DPP6: variants seen among roughly 807,000 people sequenced by gnomAD.
The protein encoded by DPP6 is A-type potassium channel modulatory protein DPP6.
In DPP6, 69 loss-of-function variants were observed where a neutral mutation model predicts 122.6. The observed-to-expected ratio is 0.56, with a 90% CI of 0.46 to 0.69. DPP6 has a LOEUF of 0.69. Among genes scored for constraint, DPP6 ranks in the 30% least tolerant of loss-of-function variants. The pLI is 0.00. For synonymous variants in DPP6, 418 were observed against 433.1 expected, an observed-to-expected ratio of 0.97 and a Z score of 0.43; for missense variants, 928 against 1,116.9, an observed-to-expected ratio of 0.83 and a Z score of 2.41.
At chr7:154,164,309 A>C (rs1226944218) in intron 1 of DPP6, among the ~76,000 whole-genome samples, 2 of 145,672 alleles carry the variant, frequency 1.4e-5, no homozygotes, top group East Asian at 4.3e-4. Context: ...TAAGACATTG[A>C]ACATTCTGTC....
chr7:154,305,347 C>T (rs1806233362), intron 1 of DPP6: 3 of 1,000,298 alleles, frequency 3.0e-6, no homozygotes, highest in Non-Finnish European at 3.6e-6. Flanking sequence ...CCCACCCTCC[C>T]TCCCCCATCC....
intron 3 of DPP6, among the ~76,000 whole-genome samples, chr7:154,533,436 G>A (rs983387704): frequency 5.5e-4 from 84 of 152,178 alleles, no homozygotes; most frequent in Non-Finnish European, 9.0e-4. Flanking sequence ...ACTTGCATCT[G>A]TAATTTAAAG....
intron 1 of DPP6, among the ~76,000 whole-genome samples, chr7:153,942,695 T>C (rs1407108363): frequency 6.6e-6 from 1 of 152,200 alleles, no homozygotes; most frequent in East Asian, 1.9e-4. Context: ...GGGCTGTGTC[T>C]TGTGCAGTGG....
intron 1 of DPP6, among the ~76,000 whole-genome samples, chr7:153,923,760 C>CAAAAAAAA (rs1158548494): frequency 3.4e-4 from 16 of 46,774 alleles, no homozygotes; most frequent in African/African-American, 1.1e-3. Context: ...GACTCCATCT[C>CAAAAAAAA]AAAAAAAAAA....
chr7:154,508,536 A>C (rs1662814339), intron 3 of DPP6, among the ~76,000 whole-genome samples: 1 of 152,128 alleles, frequency 6.6e-6, no homozygotes, highest in Admixed American at 6.6e-5. Flanking sequence ...ATTTCCCATT[A>C]ATTCACAGTC....
intron 1 of DPP6, among the ~76,000 whole-genome samples, chr7:154,061,923 A>C (rs1802006083): frequency 8.4e-6 from 1 of 118,910 alleles, no homozygotes; most frequent in Non-Finnish European, 1.7e-5. Flanking sequence ...GGCTCTGAGG[A>C]CCCCCATCGC....
chr7:153,804,508 C>T, the DPP6 span, among the ~76,000 whole-genome samples: 1 of 152,148 alleles, frequency 6.6e-6, no homozygotes, highest in Non-Finnish European at 1.5e-5. Context: ...GTTGCCATTG[C>T]TTGTAGATAT....
chr7:154,251,033 A>G (rs1349987042), intron 1 of DPP6, among the ~76,000 whole-genome samples: 1 of 152,244 alleles, frequency 6.6e-6, no homozygotes. Flanking sequence ...CAGTTTCTCC[A>G]TTTGTGGATG....
chr7:154,159,944 AC>A (rs975635267), intron 1 of DPP6, among the ~76,000 whole-genome samples: 1 of 151,984 alleles, frequency 6.6e-6, no homozygotes, highest in African/African-American at 2.4e-5. Flanking sequence ...TCTCGTCTCT[AC>A]CAAAAATCAG....
chr7:154,690,736 T>C (rs1242473641), intron 7 of DPP6, among the ~76,000 whole-genome samples: 1 of 152,184 alleles, frequency 6.6e-6, no homozygotes, highest in African/African-American at 2.4e-5. Context: ...GGCTGCCTTA[T>C]TCTCATGTTA....
intron 1 of DPP6, among the ~76,000 whole-genome samples, chr7:153,933,789 T>TC (rs1347744548): frequency 6.6e-6 from 1 of 152,038 alleles, no homozygotes; most frequent in Non-Finnish European, 1.5e-5. Flanking sequence ...CAGATTTCTC[T>TC]CCCTAGCCAT....
chr7:154,448,783 T>A (rs185534115), intron 2 of DPP6, among the ~76,000 whole-genome samples: 60 of 152,324 alleles, frequency 3.9e-4, no homozygotes, highest in African/African-American at 1.4e-3. Context: ...TAGTCAATTA[T>A]TTTTTGACAA....
At position 154,483,989 on chromosome 7, in the gene DPP6, G is replaced by A. The variant is rs770567934; in HGVS notation, c.457+8952G>A. Among the ~76,000 whole-genome samples, 19 of 152,092 alleles carry A rather than the reference G, an allele frequency of 1.2e-4. No individual in the cohort carries two copies. The highest frequency in any genetic ancestry group is 6.2e-4 in the South Asian group (3 of 4,824). On this transcript the variant is annotated intron_variant, in intron 3 of 25. Coordinates refer to ENST00000377770, the MANE Select transcript of DPP6 (RefSeq NM_130797.4). This position sits in a 1 kb window ranked among gnomAD's most constrained non-coding sequence, Gnocchi z 8.1. ...ATTACAGATGTGAGCCACCACGCCC[G>A]GCCCAGGTTAAATTTTATTTATGTT...
intron 1 of DPP6, among the ~76,000 whole-genome samples, chr7:154,349,812 GA>G (rs566519296): frequency 2.0e-5 from 3 of 151,652 alleles, no homozygotes; most frequent in Non-Finnish European, 4.4e-5. Context: ...CCCAAGTGCT[GA>G]AAAAAAACAT....
chr7:154,086,071 G>A (rs1303412141), intron 1 of DPP6, among the ~76,000 whole-genome samples: 1 of 152,034 alleles, frequency 6.6e-6, no homozygotes, highest in African/African-American at 2.4e-5. Context: ...TTTGATGAAG[G>A]TGTTAAGAAA....
intron 1 of DPP6, among the ~76,000 whole-genome samples, chr7:154,221,107 C>T (rs1233379263): frequency 6.6e-6 from 1 of 152,102 alleles, no homozygotes; most frequent in Admixed American, 6.6e-5. Context: ...CACTAAAGGC[C>T]TCTTAACAAA....
Position 154,613,619 on chromosome 7 carries a change from C to CAAAAAA in DPP6, c.628-24173_628-24168dup, listed in dbSNP as rs749561005. The stretch of plus-strand genomic sequence containing the variant: ...GGGCAACAAGAGCGAGACTCTGTCT[C>CAAAAAA]AAAAAAAAAAAAAAAAAAAAAAAAA... On this transcript the variant is annotated intron_variant, in intron 5 of 25. Coordinates refer to ENST00000377770, the MANE Select transcript of DPP6 (RefSeq NM_130797.4). 5.6e-4 allele frequency among the ~76,000 whole-genome samples: 29 copies of CAAAAAA among 51,830 alleles called. 3 individuals are homozygous for CAAAAAA. The highest frequency in any genetic ancestry group is 2.3e-3 in the African/African-American group (25 of 10,930). The allele number at this position is 51,830 out of a possible 152,430, so 34.0% of individuals were successfully genotyped here.
intron 8 of DPP6, among the ~76,000 whole-genome samples, chr7:154,742,326 G>C (rs1842854086): frequency 6.6e-6 from 1 of 152,320 alleles, no homozygotes; most frequent in African/African-American, 2.4e-5. Flanking sequence ...TTCACAAAGT[G>C]TATATCCTGC....
At chr7:154,421,111 G>C (rs539480803) in intron 1 of DPP6, among the ~76,000 whole-genome samples, 18 of 152,210 alleles carry the variant, frequency 1.2e-4, no homozygotes, top group Non-Finnish European at 2.1e-4. Flanking sequence ...GGGCACCCAC[G>C]TCACGTCTGA....
Sources: gnomAD v4.1 joint callset for allele counts (sites outside exome capture counted in the v4.1 genomes callset) on GRCh38, gnomAD v4.1.1 for gene constraint, Gnocchi (gnomAD v3.1) non-coding constraint, MANE v1.5 for transcripts, NCBI Gene and HGNC (gene_info 2026-07-23, HGNC 2026-07-21) for gene names.